Variants in SRRM3 observed in about 807,000 individuals in gnomAD.
The protein encoded by SRRM3 is serine/arginine repetitive matrix 3.
In SRRM3, 27 loss-of-function variants were observed where a neutral mutation model predicts 66.2. That is an observed-to-expected ratio of 0.41 (90% confidence interval 0.30 to 0.56). SRRM3 has a LOEUF of 0.56. Ranked by LOEUF, SRRM3 falls within the 20% of genes least tolerant of loss-of-function variation. The probability of loss-of-function intolerance (pLI) is 0.32; values close to 1 mark genes in which losing one functional copy is unlikely to be tolerated. For synonymous variants in SRRM3, 391 were observed against 414.9 expected (o/e 0.94, Z 0.70); for missense variants, 918 against 991.9 (o/e 0.93, Z 1.00).
chr7:76,229,036 C>T (rs1356297670), intron 1 of SRRM3, among the ~76,000 whole-genome samples: 1 of 151,536 alleles, frequency 6.6e-6, no homozygotes, highest in African/African-American at 2.4e-5. Flanking sequence ...GTAGCTGGGA[C>T]GACAGGCACC....
chr7:76,278,680 G>A (rs1271931794), intron 11 of SRRM3, among the ~76,000 whole-genome samples: 1 of 152,138 alleles, frequency 6.6e-6, no homozygotes, highest in African/African-American at 2.4e-5. Flanking sequence ...TCCCAGGAGA[G>A]GTCTTCATGG....
At chr7:76,242,028 G>A (rs9640985) in intron 2 of SRRM3, among the ~76,000 whole-genome samples, 1 of 152,160 alleles carries the variant, frequency 6.6e-6, no homozygotes, top group African/African-American at 2.4e-5. Flanking sequence ...GAAGCTTTTA[G>A]TCATGATGGA....
At chr7:76,236,769 C>T (rs564662521) in intron 2 of SRRM3, among the ~76,000 whole-genome samples, 2 of 152,252 alleles carry the variant, frequency 1.3e-5, no homozygotes, top group Admixed American at 6.5e-5. Flanking sequence ...GGAGGAGGCC[C>T]CTTGCAGAGA....
rs924168387 is a variant in SRRM3 at position 76,235,914 on chromosome 7, G to A, written c.233+615G>A. On this transcript the variant is annotated intron_variant, in intron 2 of 14. Coordinates refer to ENST00000611745, the MANE Select transcript of SRRM3 (RefSeq NM_001110199.3). Reference sequence around the variant, plus strand: ...CCAGCTACTCGGGAAGCTGAGGCAGGAGAATTTCTTGAACCCAGGAGGCGG... The same window carrying A: ...CCAGCTACTCGGGAAGCTGAGGCAGAAGAATTTCTTGAACCCAGGAGGCGG... Among the ~76,000 whole-genome samples, 129 of 148,218 alleles carry A rather than the reference G, an allele frequency of 8.7e-4. 1 individual carries two copies. The highest frequency in any genetic ancestry group is 3.2e-3 in the African/African-American group (127 of 40,088).
At chr7:76,224,608 T>C (rs1180048043) in intron 1 of SRRM3, among the ~76,000 whole-genome samples, 1 of 152,102 alleles carries the variant, frequency 6.6e-6, no homozygotes, top group African/African-American at 2.4e-5. Context: ...GGGAATATTG[T>C]CTCCGTCGAG....
chr7:76,265,734 A>T lies in SRRM3; in HGVS notation c.830+266A>T, dbSNP rs577916253. ...TTCTTTAATTAAAAGTAATAATAAT[A>T]ATTATTACTTTTATTATATATAATT... On this transcript the variant is annotated intron_variant, in intron 10 of 14. Coordinates refer to ENST00000611745, the MANE Select transcript of SRRM3 (RefSeq NM_001110199.3). Among the ~76,000 whole-genome samples, 285 of 140,114 alleles carry T rather than the reference A, an allele frequency of 2.0e-3. 1 individual carries two copies. Among genetic ancestry groups the T allele is most frequent in the African/African-American group, 6.6e-3 (250 of 37,992 alleles). The allele number at this position is 140,114 out of a possible 152,430, so 91.9% of individuals were successfully genotyped here. A position where few individuals can be genotyped will look rare whatever the true frequency, so the allele number is the denominator to read the frequency against.
At chr7:76,226,259 G>A (rs1018533967) in intron 1 of SRRM3, among the ~76,000 whole-genome samples, 2 of 152,318 alleles carry the variant, frequency 1.3e-5, no homozygotes, top group South Asian at 2.1e-4. Flanking sequence ...GCTTGCTCAG[G>A]AAACCCAGGC....
chr7:76,258,863 C>T (rs1801786324), intron 3 of SRRM3, among the ~76,000 whole-genome samples: 1 of 151,386 alleles, frequency 6.6e-6, no homozygotes, highest in African/African-American at 2.4e-5. Context: ...TCCATACCAG[C>T]CTGACTAACA....
chr7:76,267,534 T>TGGGGGG (rs1802102185), intron 11 of SRRM3, 99 bp downstream of exon 11: 2 of 96,316 alleles, frequency 2.1e-5, no homozygotes, highest in Non-Finnish European at 4.0e-5. Context: ...AAGTGTGGCA[T>TGGGGGG]GGGGGCGGGG....
At chr7:76,205,736 A>G (rs1800285938) in intron 1 of SRRM3, among the ~76,000 whole-genome samples, 1 of 152,234 alleles carries the variant, frequency 6.6e-6, no homozygotes, top group Admixed American at 6.5e-5. Flanking sequence ...ACCTTGGTTC[A>G]GCCAAAGAGT....
chr7:76,228,279 G>T (rs1253695642), intron 1 of SRRM3, among the ~76,000 whole-genome samples: 1 of 152,202 alleles, frequency 6.6e-6, no homozygotes, highest in Non-Finnish European at 1.5e-5. Flanking sequence ...TTGCCTGTGA[G>T]AATCTTGGGG....
At position 76,235,138 on chromosome 7, in the gene SRRM3, G is replaced by A. The variant is rs782148662; in HGVS notation, c.72G>A (p.Gln24=). 9 of 1,569,154 alleles carry A rather than the reference G, an allele frequency of 5.7e-6. No homozygotes were observed. Among genetic ancestry groups the A allele is most frequent in the South Asian group, 4.6e-5 (4 of 86,380 alleles). The change falls in exon 2 of 15, where the codon CAG becomes CAA. Residue 24 remains glutamine (Q), a synonymous_variant. Transcript: ENST00000611745. ...STPDAANGFP[Q]PSSSSGTWPR... Reference sequence around the variant, plus strand: ...CCGACGCCGCGAACGGCTTCCCGCAGCCCAGCTCCTCCTCGGGGACCTGGC... The same window carrying A: ...CCGACGCCGCGAACGGCTTCCCGCAACCCAGCTCCTCCTCGGGGACCTGGC...
intron 2 of SRRM3, among the ~76,000 whole-genome samples, chr7:76,245,100 A>C (rs1801407128): frequency 6.6e-6 from 1 of 152,196 alleles, no homozygotes; most frequent in African/African-American, 2.4e-5. Context: ...CGATGGGGGG[A>C]GGCATCCATC....
At chr7:76,218,195 G>T (rs1202063027) in intron 1 of SRRM3, among the ~76,000 whole-genome samples, 1 of 152,194 alleles carries the variant, frequency 6.6e-6, no homozygotes, top group Non-Finnish European at 1.5e-5. Flanking sequence ...AGGCTTCTCC[G>T]ATTTCACTGC....
rs562625499 is a variant in SRRM3, at chr7:76,272,748, T to G, written c.1008+5313T>G. On this transcript the variant is annotated intron_variant, in intron 11 of 14. Transcript: ENST00000611745. Reference sequence around the variant, plus strand: ...GGGTGGCAGAGAAGGCTCAGGATCATGGCCTTGGGGCTCTCTCTGGCTTCT... The same window carrying G: ...GGGTGGCAGAGAAGGCTCAGGATCAGGGCCTTGGGGCTCTCTCTGGCTTCT... Among the ~76,000 whole-genome samples, 3 of 152,336 alleles carry G rather than the reference T, an allele frequency of 2.0e-5. No individual in the cohort carries two copies. The South Asian group carries it at 6.2e-4, about 32-fold the overall frequency.
intron 3 of SRRM3, among the ~76,000 whole-genome samples, chr7:76,253,934 T>TA (rs1801644304): frequency 6.6e-6 from 1 of 152,102 alleles, no homozygotes; most frequent in South Asian, 2.1e-4. Context: ...GGTCCATGCT[T>TA]ATCCCTGGGA....
At chr7:76,233,796 CAG>C (rs1420542491) in intron 1 of SRRM3, among the ~76,000 whole-genome samples, 2 of 152,228 alleles carry the variant, frequency 1.3e-5, no homozygotes, top group East Asian at 1.9e-4. Context: ...ACTTGGGACT[CAG>C]GGGGAAGGAC....
chr7:76,208,511 A>T (rs546791034), intron 1 of SRRM3, among the ~76,000 whole-genome samples: 115 of 151,954 alleles, frequency 7.6e-4, no homozygotes, highest in African/African-American at 2.7e-3. Context: ...TCTACAAAAA[A>T]AAAAAGAAGA....
chr7:76,260,964 C>T, intron 6 of SRRM3, 61 bp downstream of exon 6: 1 of 1,517,976 alleles, frequency 6.6e-7, no homozygotes, highest in Non-Finnish European at 8.9e-7. Context: ...GGGAGAGATT[C>T]CAAGGCCATC....
Sources: gnomAD v4.1 joint callset for allele counts (sites outside exome capture counted in the v4.1 genomes callset) on GRCh38, gnomAD v4.1.1 for gene constraint, MANE v1.5 for transcripts, NCBI Gene and HGNC (gene_info 2026-07-23, HGNC 2026-07-21) for gene names.